AJAP1: variants seen among roughly 807,000 people sequenced by gnomAD.
AJAP1 encodes the protein adherens junction-associated protein 1.
A neutral mutation model predicts 35.0 loss-of-function variants in AJAP1; 5 were observed. That is an observed-to-expected ratio of 0.14 (90% CI 0.07 to 0.30). The LOEUF (loss-of-function observed/expected upper bound fraction) is 0.30. Ranked by LOEUF, AJAP1 falls within the 10% of genes least tolerant of loss-of-function variation. AJAP1 has a pLI of 1.00. For missense variants in AJAP1, 586 were observed against 571.0 expected (o/e 1.03, Z -0.27); for synonymous variants, 284 against 249.3 (o/e 1.14, Z -1.31).
chr1:4,686,770 C>G (rs764084472), intron 1 of AJAP1, among the ~76,000 whole-genome samples: 7 of 152,234 alleles, frequency 4.6e-5, no homozygotes, highest in Non-Finnish European at 1.0e-4. Context: ...CAGTGTGGCC[C>G]TGGCCTTTGG....
chr1:4,666,579 TGCGGAGAGGGGCCCGTGAATCAC>T, intron 1 of AJAP1, among the ~76,000 whole-genome samples: 1 of 87,838 alleles, frequency 1.1e-5, no homozygotes, highest in Non-Finnish European at 2.4e-5. Context: ...ACGGGAGGGG[TGCGGAGAGGGGCCCGTGAATCAC>T]GGGAGGGGTG....
intron 1 of AJAP1, among the ~76,000 whole-genome samples, chr1:4,683,450 C>T (rs1639532975): frequency 6.6e-6 from 1 of 152,232 alleles, no homozygotes. Flanking sequence ...ACGCTGGTTC[C>T]ACTGGCCTGG....
intron 2 of AJAP1, among the ~76,000 whole-genome samples, chr1:4,765,514 G>A (rs950264989): frequency 5.9e-5 from 9 of 152,320 alleles, no homozygotes; most frequent in East Asian, 1.9e-4. Flanking sequence ...GAGTGAAGAA[G>A]GAGGAGAAAA....
intron 2 of AJAP1, among the ~76,000 whole-genome samples, chr1:4,736,016 C>T (rs1377746008): frequency 1.3e-5 from 2 of 152,216 alleles, no homozygotes; most frequent in African/African-American, 4.8e-5. Flanking sequence ...GCTACAGTGG[C>T]AAGCTGCCTT....
chr1:4,708,878 G>T (rs577344799), intron 1 of AJAP1, among the ~76,000 whole-genome samples: 13 of 151,494 alleles, frequency 8.6e-5, no homozygotes, highest in Non-Finnish European at 1.3e-4. Context: ...TTGCCCACCT[G>T]CCCTCTTTTT....
chr1:4,725,271 T>G (rs1370144876), intron 2 of AJAP1, among the ~76,000 whole-genome samples: 1 of 152,160 alleles, frequency 6.6e-6, no homozygotes, highest in African/African-American at 2.4e-5. Flanking sequence ...TGCATCAGGT[T>G]AAGTGGCTGC....
At chr1:4,699,176 G>A (rs1639931657) in intron 1 of AJAP1, among the ~76,000 whole-genome samples, 1 of 152,178 alleles carries the variant, frequency 6.6e-6, no homozygotes, top group South Asian at 2.1e-4. Context: ...CCGCTGGGAA[G>A]CTGATGCTCT....
chr1:4,739,801 A>C (rs1205739200), intron 2 of AJAP1, among the ~76,000 whole-genome samples: 2 of 152,052 alleles, frequency 1.3e-5, no homozygotes, highest in African/African-American at 4.8e-5. Context: ...CCTCACTTCA[A>C]CGTTGAATTG....
At chr1:4,725,131 G>T (rs1293356789) in intron 2 of AJAP1, among the ~76,000 whole-genome samples, 2 of 152,232 alleles carry the variant, frequency 1.3e-5, no homozygotes, top group Non-Finnish European at 2.9e-5. Flanking sequence ...AGGCTTGCTG[G>T]TCCCTGGGTG....
Position 4,786,115 on chromosome 1 carries a change from A to G in AJAP1, c.*3630A>G, listed in dbSNP as rs1356523010. The G allele has an allele frequency of 6.6e-6, 1 of 152,102 alleles. No homozygotes were observed. The highest frequency in any genetic ancestry group is 1.5e-5 in the Non-Finnish European group (1 of 68,024). 9.4% of individuals were successfully genotyped at this position (152,102 alleles called of 1,614,324 possible). A position where few individuals can be genotyped will look rare whatever the true frequency, so the allele number is the denominator to read the frequency against. ...CCCCACCGTTTCCCATTGGGCTCAG[A>G]TTCCAGCCATTACCGAGACAAATCC... On this transcript the variant is annotated 3_prime_UTR_variant, in exon 6 of 6. Coordinates refer to ENST00000378191, the MANE Select transcript of AJAP1 (RefSeq NM_018836.4).
Position 4,655,613 on chromosome 1 carries a change from A to G in AJAP1, c.29+159A>G, listed in dbSNP as rs1419906480. ...TAGCCGGAAAGGGGCGCCCGCCCGG[A>G]GCCTGGAGCAGCACCGCGGCCCTGG... is the stretch of plus-strand genomic sequence containing the variant. On this transcript the variant is annotated intron_variant, in intron 1 of 5. Transcript: ENST00000378191. The surrounding 1 kb of genome is among the most constrained non-coding windows in gnomAD (Gnocchi z 6.9). Among the ~76,000 whole-genome samples the G allele has an allele frequency of 1.3e-5, 2 of 150,892 alleles. No individual in the cohort carries two copies. The highest frequency in any genetic ancestry group is 3.0e-5 in the Non-Finnish European group (2 of 67,664).
chr1:4,686,851 G>A lies in AJAP1; in HGVS notation c.30-25049G>A, dbSNP rs1246934860. Among the ~76,000 whole-genome samples the A allele has an allele frequency of 2.0e-5, 3 of 152,168 alleles. No individual in the cohort carries two copies. In the East Asian group the frequency reaches 5.8e-4, roughly 29 times the overall value. ...CCTCCAGTCTCTCAGTGTGGCCTCCGTTCTCTGATGCACTCACTTTTATTA... is the reference window on the plus strand; with the variant it reads ...CCTCCAGTCTCTCAGTGTGGCCTCCATTCTCTGATGCACTCACTTTTATTA... On this transcript the variant is annotated intron_variant, in intron 1 of 5. Transcript: ENST00000378191.
At position 4,655,404 on chromosome 1, in the gene AJAP1, C is replaced by A; in HGVS notation, c.-22C>A. 1 of 1,557,040 alleles carries A rather than the reference C, an allele frequency of 6.4e-7. No individual in the cohort carries two copies. Among genetic ancestry groups the A allele is most frequent in the South Asian group, 1.2e-5 (1 of 86,514 alleles). ...TGGCCTGGGCGAGCCAGGTCTGAGG[C>A]CCCGCTCCCCGAAACGTGACCATGT... On this transcript the variant is annotated 5_prime_UTR_variant, in exon 1 of 6. Coordinates refer to ENST00000378191, the MANE Select transcript of AJAP1 (RefSeq NM_018836.4). The surrounding 1 kb of genome is among the most constrained non-coding windows in gnomAD (Gnocchi z 6.9).
chr1:4,774,551 G>T lies in AJAP1; in HGVS notation c.*52G>T. ...GGGGCAGGGCAGACGCCGTGTGTCT[G>T]TTTCACGGTAGGTACCTCTCTTTGG... On this transcript the variant is annotated 3_prime_UTR_variant, in exon 5 of 6. Transcript: ENST00000378191. The T allele has an allele frequency of 6.5e-7, 1 of 1,546,022 alleles. No individual in the cohort carries two copies. The highest frequency in any genetic ancestry group is 8.9e-7 in the Non-Finnish European group (1 of 1,119,740).
In AJAP1 at chr1:4,712,244, A is replaced by C. The variant is rs750008878; in HGVS notation, c.374A>C (p.Lys125Thr). The C allele has an allele frequency of 1.3e-6, 2 of 1,531,266 alleles. No individual in the cohort carries two copies. The highest frequency in any genetic ancestry group is 1.7e-6 in the Non-Finnish European group (2 of 1,146,522). The allele number at this position is 1,531,266 out of a possible 1,614,324, so 94.9% of individuals were successfully genotyped here. Residue 125 changes from lysine to threonine, a missense_variant, in exon 2 of 6, where the codon AAA (lysine) becomes ACA (threonine). Transcript: ENST00000378191. ...CTGGCCAAGCCCCCAGCTGCTGCCA[A>C]ATCCAGCCCTTCCCTCGCCTCTTCG... is the stretch of plus-strand genomic sequence containing the variant. ...AGLAKPPAAA[K>T]SSPSLASSSS...
At position 4,711,960 on chromosome 1, in the gene AJAP1, C is replaced by T; in HGVS notation, c.90C>T (p.Ala30=). The T allele has an allele frequency of 6.3e-7, 1 of 1,579,468 alleles. No homozygotes were observed. The highest frequency in any genetic ancestry group is 1.4e-5 in the African/African-American group (1 of 71,606). ...GAAGCCATGCCTGGATACTGATAGCCATGTTTCAGCTCGCCGTGGACCTGC... is the reference window on the plus strand; with the variant it reads ...GAAGCCATGCCTGGATACTGATAGCTATGTTTCAGCTCGCCGTGGACCTGC... The part of the protein sequence containing the change: ...PLGSHAWILI[A]MFQLAVDLPA... The change falls in exon 2 of 6, where the codon GCC becomes GCT. Residue 30 remains alanine (A), a synonymous_variant. Transcript: ENST00000378191.
At chr1:4,664,978 C>T (rs928584934) in intron 1 of AJAP1, among the ~76,000 whole-genome samples, 1 of 152,164 alleles carries the variant, frequency 6.6e-6, no homozygotes, top group African/African-American at 2.4e-5. Flanking sequence ...ACCACGATGT[C>T]AGCCTTTGTG....
chr1:4,760,720 A>G (rs1039964029), intron 2 of AJAP1, among the ~76,000 whole-genome samples: 1 of 152,202 alleles, frequency 6.6e-6, no homozygotes, highest in Non-Finnish European at 1.5e-5. Context: ...ATTATATTCA[A>G]TTCAGCAATG....
intron 1 of AJAP1, among the ~76,000 whole-genome samples, chr1:4,674,042 CAAAAAA>C (rs57335438): frequency 9.8e-5 from 8 of 81,950 alleles, no homozygotes; most frequent in Admixed American, 4.2e-4. Context: ...CCCCCGCCAC[CAAAAAA>C]AAAAAAAAAA....
Sources: gnomAD v4.1 joint callset for allele counts (sites outside exome capture counted in the v4.1 genomes callset) on GRCh38, gnomAD v4.1.1 for gene constraint, Gnocchi (gnomAD v3.1) non-coding constraint, MANE v1.5 for transcripts, NCBI Gene and HGNC (gene_info 2026-07-23, HGNC 2026-07-21) for gene names.